The following PDCD6 variants were observed in gnomAD, a reference collection of about 807,000 sequenced individuals.
The protein encoded by PDCD6 is programmed cell death protein 6.
In PDCD6, 12 loss-of-function variants were observed where a neutral mutation model predicts 28.3. The ratio of observed to expected loss-of-function variants is 0.42; its 90% confidence interval spans 0.27 to 0.69. PDCD6 has a LOEUF of 0.69. PDCD6 is among the 30% of genes least tolerant of loss of function. PDCD6 has a pLI of 0.22. For missense variants in PDCD6, 226 were observed against 269.9 expected (o/e 0.84, Z 1.14); for synonymous variants, 92 against 108.0 (o/e 0.85, Z 0.92).
chr5:299,768 C>G (rs1173258799), intron 2 of PDCD6, among the ~76,000 whole-genome samples: 2 of 152,158 alleles, frequency 1.3e-5, no homozygotes, highest in African/African-American at 2.4e-5. Flanking sequence ...CCAGGATGGT[C>G]TCGATCTCCT....
chr5:306,448 AC>A (rs1740489145), intron 3 of PDCD6, 153 bp from the exon 4 acceptor site: 1 of 671,504 alleles, frequency 1.5e-6, no homozygotes, highest in Non-Finnish European at 2.7e-6. Flanking sequence ...AAGGGATTTC[AC>A]CCCATTCACA....
At chr5:294,044 A>G (rs1202274094) in intron 2 of PDCD6, among the ~76,000 whole-genome samples, 1 of 149,022 alleles carries the variant, frequency 6.7e-6, no homozygotes, top group Non-Finnish European at 1.5e-5. Flanking sequence ...GCTGACACAA[A>G]ATGTTACTCA....
At chr5:281,276 T>G (rs1157688720) in intron 2 of PDCD6, among the ~76,000 whole-genome samples, 1 of 152,248 alleles carries the variant, frequency 6.6e-6, no homozygotes, top group Non-Finnish European at 1.5e-5. Context: ...AAGGGATTGG[T>G]CAGGGAGGGT....
At chr5:294,990 C>T (rs576458974) in intron 2 of PDCD6, among the ~76,000 whole-genome samples, 3 of 152,142 alleles carry the variant, frequency 2.0e-5, no homozygotes, top group Admixed American at 1.3e-4. Context: ...TGTTGGGGAG[C>T]AGGGCAGTGG....
Position 272,726 on chromosome 5 carries a change from G to A in PDCD6, c.117G>A (p.Arg39=). ...GATGTTATAGGGTCGATAAAGACAG[G>A]AGTGGAGTGATATCAGACACCGAGC... ...WNVFQRVDKD[R]SGVISDTELQ... is the part of the protein sequence containing the mutation. Residue 39 remains arginine, a synonymous_variant, in exon 2 of 6, where the codon AGG becomes AGA. Transcript: ENST00000264933. 6.3e-7 allele frequency: 1 copy of A among 1,588,592 alleles called. No homozygotes were observed.
At chr5:292,494 G>A (rs993848242) in intron 2 of PDCD6, among the ~76,000 whole-genome samples, 34 of 152,050 alleles carry the variant, frequency 2.2e-4, no homozygotes, top group African/African-American at 8.0e-4. Context: ...CCTGACCTCA[G>A]GTGATTCTCC....
intron 2 of PDCD6, among the ~76,000 whole-genome samples, chr5:282,652 T>G (rs1235885349): frequency 7.1e-6 from 1 of 140,382 alleles, no homozygotes; most frequent in South Asian, 2.2e-4. Flanking sequence ...GCTGAAGACT[T>G]GGGGAGTAGC....
chr5:300,639 G>A (rs1232030088), intron 2 of PDCD6, among the ~76,000 whole-genome samples: 6 of 152,248 alleles, frequency 3.9e-5, no homozygotes, highest in East Asian at 1.9e-4. Flanking sequence ...TAACCGAGGC[G>A]TGAAATGCCT....
At chr5:272,089 G>C (rs569920232) in intron 1 of PDCD6, among the ~76,000 whole-genome samples, 3 of 146,868 alleles carry the variant, frequency 2.0e-5, no homozygotes, top group Non-Finnish European at 4.4e-5. Flanking sequence ...CCTCCTGCCC[G>C]GTCCCTGTCC....
intron 4 of PDCD6, chr5:308,167 T>A (rs535851329): frequency 6.6e-6 from 1 of 152,354 alleles, no homozygotes; most frequent in East Asian, 1.9e-4. Flanking sequence ...CTGAAGTTAT[T>A]TTTAGATAAG....
At chr5:271,916 T>TGC (rs1471086443) in intron 1 of PDCD6, 95 bp downstream of exon 1, 24 of 598,524 alleles carry the variant, frequency 4.0e-5, no homozygotes, top group South Asian at 7.0e-5. Flanking sequence ...CCCTGCCGGT[T>TGC]CTACTGCGGC....
At chr5:292,433 A>G (rs1170033248) in intron 2 of PDCD6, among the ~76,000 whole-genome samples, 1 of 151,426 alleles carries the variant, frequency 6.6e-6, no homozygotes, top group Non-Finnish European at 1.5e-5. Context: ...TAATTTTTGT[A>G]TTTTTACTAG....
Position 306,655 on chromosome 5 carries a change from G to A in PDCD6, c.262G>A (p.Val88Met), listed in dbSNP as rs1259286633. 7 of 1,613,918 alleles carry A rather than the reference G, an allele frequency of 4.3e-6. No individual in the cohort carries two copies. Among genetic ancestry groups the A allele is most frequent in the African/African-American group, 2.7e-5 (2 of 74,930 alleles). ...CGTGAACTTCAGCGAGTTCACGGGT[G>A]TGTGGAAGTACATCACGGACTGGCA... ...AGVNFSEFTG[V>M]WKYITDWQNV... Residue 88 changes from valine to methionine, a missense_variant, in exon 4 of 6, where the codon GTG becomes ATG. Physicochemically the swap from Val to Met is conservative, Grantham distance 21 (BLOSUM62 1). Coordinates refer to ENST00000264933, the MANE Select transcript of PDCD6 (RefSeq NM_013232.4).
chr5:297,305 G>A (rs1178248251), intron 2 of PDCD6, among the ~76,000 whole-genome samples: 2 of 152,240 alleles, frequency 1.3e-5, no homozygotes, highest in Admixed American at 6.5e-5. Context: ...GAGCGTAAGC[G>A]CTGTCCTAGC....
At position 300,140 on chromosome 5, in the gene PDCD6, G is replaced by A. The variant is rs2721006; in HGVS notation, c.164-4037G>A. Among the ~76,000 whole-genome samples, 1,242 of 152,312 alleles carry A rather than the reference G, an allele frequency of 8.2e-3. 25 individuals carry two copies. The highest frequency in any genetic ancestry group is 0.029 in the African/African-American group (1,186 of 41,554). ...CAGGAGGGGCCCTTGGCTGGCTCCT[G>A]GGAGCTGAGCTCCTGCAGTGTTCTG... On this transcript the variant is annotated intron_variant, in intron 2 of 5. Coordinates refer to ENST00000264933, the MANE Select transcript of PDCD6 (RefSeq NM_013232.4).
intron 2 of PDCD6, among the ~76,000 whole-genome samples, chr5:277,191 T>C (rs1301388638): frequency 6.6e-6 from 1 of 152,164 alleles, no homozygotes; most frequent in Non-Finnish European, 1.5e-5. Flanking sequence ...AGTGGCACGC[T>C]CTTGGCTCAC....
intron 2 of PDCD6, among the ~76,000 whole-genome samples, chr5:278,930 C>T (rs1314590347): frequency 6.6e-6 from 1 of 151,812 alleles, no homozygotes; most frequent in Admixed American, 6.5e-5. Flanking sequence ...TCCCACAGTT[C>T]TCTGCCCCTC....
chr5:303,373 TATTTTTTTAGTTC>T (rs1740245404), intron 2 of PDCD6, among the ~76,000 whole-genome samples: 1 of 151,182 alleles, frequency 6.6e-6, no homozygotes, highest in Non-Finnish European at 1.5e-5. Flanking sequence ...ACCTTAAAAA[TATTTTTTTAGTTC>T]ATTTTTAGTG....
At chr5:286,409 C>T (rs192730606) in intron 2 of PDCD6, among the ~76,000 whole-genome samples, 1 of 150,384 alleles carries the variant, frequency 6.6e-6, no homozygotes, top group African/African-American at 2.5e-5. Flanking sequence ...GGCTGTGCAG[C>T]TGGAGGCCTA....
Sources: gnomAD v4.1 joint callset for allele counts (sites outside exome capture counted in the v4.1 genomes callset) on GRCh38, gnomAD v4.1.1 for gene constraint, MANE v1.5 for transcripts, NCBI Gene and HGNC (gene_info 2026-07-23, HGNC 2026-07-21) for gene names.